ADARB2: variants seen among roughly 807,000 people sequenced by gnomAD.
ADARB2 encodes the protein adenosine deaminase RNA specific B2 (inactive), also known as inactive double-stranded RNA-specific editase B2.
ADARB2 carries 25 observed loss-of-function variants against 62.2 expected under a neutral mutation model. The observed-to-expected ratio is 0.40, with a 90% CI of 0.29 to 0.56. The LOEUF is 0.56. Among genes scored for constraint, ADARB2 ranks in the 20% least tolerant of loss-of-function variants. The pLI, the probability that ADARB2 is intolerant of heterozygous loss-of-function variation, is 0.43. For synonymous variants in ADARB2, 572 were observed against 500.8 expected, an observed-to-expected ratio of 1.14 and a Z score of -1.90; for missense variants, 1,071 against 1,077.4, an observed-to-expected ratio of 0.99 and a Z score of 0.08.
chr10:1,586,257 A>G (rs139701460), intron 1 of ADARB2, among the ~76,000 whole-genome samples: 15 of 152,198 alleles, frequency 9.9e-5, no homozygotes, highest in Non-Finnish European at 2.1e-4. Flanking sequence ...AAAAAGTCCA[A>G]CCCAGTTCTT....
chr10:1,581,188 T>G (rs2813386), intron 1 of ADARB2, among the ~76,000 whole-genome samples: 1 of 152,236 alleles, frequency 6.6e-6, no homozygotes, highest in African/African-American at 2.4e-5. Flanking sequence ...AGAAGACTGC[T>G]GTGGGGCCAG....
chr10:1,568,531 T>G (rs1472362317), intron 1 of ADARB2, among the ~76,000 whole-genome samples: 1 of 103,050 alleles, frequency 9.7e-6, no homozygotes, highest in Non-Finnish European at 2.0e-5. Flanking sequence ...ACCAAAAAGA[T>G]GAAAGAAGAA....
At chr10:1,587,703 T>C (rs887768409) in intron 1 of ADARB2, among the ~76,000 whole-genome samples, 5 of 152,198 alleles carry the variant, frequency 3.3e-5, no homozygotes, top group African/African-American at 1.2e-4. Context: ...ATATGGTTTG[T>C]TGTGTTCCCA....
chr10:1,634,382 G>A, intron 1 of ADARB2, among the ~76,000 whole-genome samples: 1 of 152,212 alleles, frequency 6.6e-6, no homozygotes, highest in Non-Finnish European at 1.5e-5. Context: ...CAAGGGCAAG[G>A]TGACCTCAGA....
intron 1 of ADARB2, among the ~76,000 whole-genome samples, chr10:1,429,877 C>A (rs1437301501): frequency 1.3e-5 from 2 of 152,050 alleles, no homozygotes; most frequent in East Asian, 3.9e-4. Context: ...CTGTCTTACT[C>A]CTCTCTCCTC....
chr10:1,309,936 C>G (rs1247445135), intron 3 of ADARB2, among the ~76,000 whole-genome samples: 1 of 152,258 alleles, frequency 6.6e-6, no homozygotes, highest in Non-Finnish European at 1.5e-5. Flanking sequence ...CCGCATCATT[C>G]CACCTGGAAT....
At chr10:1,592,009 C>T (rs560489683) in intron 1 of ADARB2, among the ~76,000 whole-genome samples, 12 of 152,338 alleles carry the variant, frequency 7.9e-5, no homozygotes, top group East Asian at 7.7e-4. Context: ...TCCGGCTCTA[C>T]GGCTGACCCT....
chr10:1,573,124 A>G (rs1281947039), intron 1 of ADARB2, among the ~76,000 whole-genome samples: 1 of 152,228 alleles, frequency 6.6e-6, no homozygotes, highest in Admixed American at 6.5e-5. Flanking sequence ...GTAAATGAAC[A>G]GAGGATGCAT....
intron 1 of ADARB2, among the ~76,000 whole-genome samples, chr10:1,447,557 T>G (rs983975795): frequency 6.6e-6 from 1 of 151,454 alleles, no homozygotes; most frequent in African/African-American, 2.4e-5. Flanking sequence ...ATTTTTTTTT[T>G]GTGTTTGTTT....
At chr10:1,670,679 G>A (rs1217006361) in intron 1 of ADARB2, among the ~76,000 whole-genome samples, 3 of 152,196 alleles carry the variant, frequency 2.0e-5, no homozygotes, top group Non-Finnish European at 2.9e-5. Context: ...GCTTACTGTC[G>A]CTCAGGGCCT....
chr10:1,465,664 C>T (rs937038400), intron 1 of ADARB2, among the ~76,000 whole-genome samples: 2 of 152,204 alleles, frequency 1.3e-5, no homozygotes, highest in Non-Finnish European at 2.9e-5. Context: ...TAGTGAAAAA[C>T]GCAACTTGGG....
chr10:1,297,354 C>T (rs952304039), intron 3 of ADARB2, among the ~76,000 whole-genome samples: 1 of 152,170 alleles, frequency 6.6e-6, no homozygotes, highest in African/African-American at 2.4e-5. Flanking sequence ...CAAAGCTTGC[C>T]AGAGCCAAAC....
rs533613906 is a variant in ADARB2, at chr10:1,412,228, G to A, written c.101-33068C>T. On this transcript the variant is annotated intron_variant, in intron 1 of 9. Transcript: ENST00000381312. ...CTGCGAGCCCGGAGACCTCGGGGCTGGTTAGAGGATGGCTCAGTTCCCAGG... is the reference window on the plus strand; with the variant it reads ...CTGCGAGCCCGGAGACCTCGGGGCTAGTTAGAGGATGGCTCAGTTCCCAGG... 2.0e-5 allele frequency among the ~76,000 whole-genome samples: 3 copies of A among 152,278 alleles called. No individual in the cohort carries two copies. In the South Asian group the frequency reaches 6.2e-4, roughly 32 times the overall value.
At chr10:1,674,957 A>C (rs1450449243) in intron 1 of ADARB2, 5 of 974,126 alleles carry the variant, frequency 5.1e-6, no homozygotes, top group Non-Finnish European at 6.0e-6. Flanking sequence ...TTGGGGGTAC[A>C]CGGATATTCT....
rs183272514 is a variant in ADARB2, at chr10:1,312,728, G to T, written c.1078-41659C>A. 4.3e-3 allele frequency among the ~76,000 whole-genome samples: 660 copies of T among 152,326 alleles called. 8 individuals are homozygous for T. The highest frequency in any genetic ancestry group is 0.015 in the African/African-American group (615 of 41,592). ...CCCGCATGGGCAGGTGGGAACCAGGGTCCAAACCTGGCCTTCCTTTCCTGC... is the reference window on the plus strand; with the variant it reads ...CCCGCATGGGCAGGTGGGAACCAGGTTCCAAACCTGGCCTTCCTTTCCTGC... On this transcript the variant is annotated intron_variant, in intron 3 of 9. Transcript: ENST00000381312.
At chr10:1,241,194 G>A (rs1267998907) in intron 5 of ADARB2, among the ~76,000 whole-genome samples, 1 of 152,162 alleles carries the variant, frequency 6.6e-6, no homozygotes, top group East Asian at 1.9e-4. Flanking sequence ...GGGAGGCAGA[G>A]GTTGCAGTGG....
At position 1,217,101 on chromosome 10, in the gene ADARB2, A is replaced by G; in HGVS notation, c.1532T>C (p.Leu511Pro). The change falls in exon 7 of 10, where the codon CTC becomes CCC. Residue 511 changes from leucine to proline, a missense_variant. By Grantham distance (98) the Leu-to-Pro change is moderately conservative (BLOSUM62 -3). Transcript: ENST00000381312. ...CAGGTGCCCGCGGAACTTCCTGACG[A>G]GGTGTTTGCTGCTGTGCACTAGGAG... ...ITTDLHSSKH[L>P]VRKFRGHLRT... 6.2e-7 allele frequency: 1 copy of G among 1,601,642 alleles called. No homozygotes were observed.
intron 1 of ADARB2, among the ~76,000 whole-genome samples, chr10:1,610,944 T>C (rs886377901): frequency 6.6e-6 from 1 of 152,168 alleles, no homozygotes; most frequent in East Asian, 1.9e-4. Context: ...CTTTAACTCA[T>C]GAATTTTGGG....
intron 1 of ADARB2, among the ~76,000 whole-genome samples, chr10:1,698,389 G>A (rs1214254576): frequency 6.6e-6 from 1 of 152,162 alleles, no homozygotes; most frequent in Non-Finnish European, 1.5e-5. Flanking sequence ...GCCACTGGAG[G>A]GGGCTCTGCG....
Sources: allele counts gnomAD v4.1 joint callset (sites outside exome capture counted in the v4.1 genomes callset), GRCh38; gene constraint gnomAD v4.1.1; transcripts MANE v1.5; gene names NCBI Gene and HGNC (gene_info 2026-07-23, HGNC 2026-07-21).